Variants in SLCO1A2 observed in about 807,000 individuals in gnomAD.
The protein encoded by SLCO1A2 is OATP-1.
SLCO1A2 carries 67 observed loss-of-function variants against 69.0 expected under a neutral mutation model. The ratio of observed to expected loss-of-function variants is 0.97; its 90% CI spans 0.80 to 1.19. The LOEUF (loss-of-function observed/expected upper bound fraction) is 1.19. SLCO1A2 is among the 50% of genes most tolerant of loss of function. The pLI, the probability that SLCO1A2 is intolerant of heterozygous loss-of-function variation, is 0.00. For missense variants in SLCO1A2, 787 were observed against 793.7 expected, an observed-to-expected ratio of 0.99 and a Z score of 0.10; for synonymous variants, 260 against 265.9, an observed-to-expected ratio of 0.98 and a Z score of 0.22.
intron 1 of SLCO1A2, among the ~76,000 whole-genome samples, chr12:21,403,207 G>A (rs1244053316): frequency 6.6e-6 from 1 of 152,106 alleles, no homozygotes. Flanking sequence ...CTGTATCTGT[G>A]CATGCATAAA....
At position 21,269,426 on chromosome 12, in the gene SLCO1A2, A is replaced by G; in HGVS notation, c.*122T>C. 1.6e-6 allele frequency: 1 copy of G among 621,520 alleles called. No homozygotes were observed. 38.5% of individuals were successfully genotyped at this position (621,520 alleles called of 1,614,324 possible). ...AGTGAACATTTTATTATTTTGAGTT[A>G]AGAGGTTTTTTAGGTTCTTAAAGAC... On this transcript the variant is annotated 3_prime_UTR_variant, in exon 15 of 15. Coordinates refer to ENST00000683939, the MANE Select transcript of SLCO1A2 (RefSeq NM_001386879.1).
At chr12:21,408,721 T>C (rs1318018628) in intron 1 of SLCO1A2, among the ~76,000 whole-genome samples, 37 of 96,082 alleles carry the variant, frequency 3.9e-4, no homozygotes, top group African/African-American at 1.4e-3. Flanking sequence ...TGCGTGTGTG[T>C]GTGTGTGTGT....
chr12:21,383,394 C>T (rs1408468218), intron 1 of SLCO1A2, among the ~76,000 whole-genome samples: 1 of 152,138 alleles, frequency 6.6e-6, no homozygotes, highest in African/African-American at 2.4e-5. Context: ...GAATTTTGGT[C>T]TATATTTTCA....
intron 2 of SLCO1A2, among the ~76,000 whole-genome samples, chr12:21,361,554 CAGA>C (rs2137049259): frequency 6.6e-6 from 1 of 152,262 alleles, no homozygotes; most frequent in South Asian, 2.1e-4. Context: ...GACGAGTTGA[CAGA>C]AGAAGGCTTC....
chr12:21,384,788 C>A (rs867135732), intron 1 of SLCO1A2, among the ~76,000 whole-genome samples: 3 of 135,484 alleles, frequency 2.2e-5, no homozygotes, highest in South Asian at 4.6e-4. Flanking sequence ...TTTTTTGAGT[C>A]GGAGTCTCGT....
At chr12:21,399,879 G>C (rs1591917981), upstream of SLCO1A2, among the ~76,000 whole-genome samples, 1 of 149,034 alleles carries the variant, frequency 6.7e-6, no homozygotes, top group East Asian at 2.0e-4. Context: ...ATCAATTCAA[G>C]ATGGATTAAA....
intron 12 of SLCO1A2, among the ~76,000 whole-genome samples, chr12:21,287,508 T>G (rs1946084757): frequency 7.0e-6 from 1 of 143,642 alleles, no homozygotes; most frequent in Non-Finnish European, 1.5e-5. Flanking sequence ...ATCCCATTAC[T>G]GGGTATATAC....
chr12:21,411,305 T>C (rs1409903295), intron 1 of SLCO1A2, among the ~76,000 whole-genome samples: 1 of 152,230 alleles, frequency 6.6e-6, no homozygotes, highest in Non-Finnish European at 1.5e-5. Context: ...TTTTTGTATA[T>C]GATATGAAAT....
At chr12:21,386,762 C>T (rs1016402436) in intron 1 of SLCO1A2, among the ~76,000 whole-genome samples, 1 of 151,896 alleles carries the variant, frequency 6.6e-6, no homozygotes, top group African/African-American at 2.4e-5. Flanking sequence ...GTAAATATAC[C>T]TAAAAATGTG....
chr12:21,344,279 C>A (rs908386322), intron 2 of SLCO1A2, among the ~76,000 whole-genome samples: 1 of 151,812 alleles, frequency 6.6e-6, no homozygotes, highest in African/African-American at 2.4e-5. Context: ...CAATATAATC[C>A]AAGGAAGAGC....
intron 1 of SLCO1A2, chr12:21,403,711 CTTTTTTTTTTTTTT>C (rs71043273): frequency 1.2e-5 from 1 of 84,326 alleles, no homozygotes; most frequent in Non-Finnish European, 2.2e-5. Flanking sequence ...CTCCTCCTTG[CTTTTTTTTTTTTTT>C]TTTTTTTTTG....
chr12:21,376,639 G>C (rs931454713), intron 1 of SLCO1A2, among the ~76,000 whole-genome samples: 1 of 151,696 alleles, frequency 6.6e-6, no homozygotes, highest in African/African-American at 2.4e-5. Context: ...TCTGTACTTA[G>C]GAAGAAATAT....
chr12:21,331,633 AC>A (rs980542949), intron 2 of SLCO1A2, among the ~76,000 whole-genome samples: 2 of 148,404 alleles, frequency 1.3e-5, no homozygotes, highest in Non-Finnish European at 3.0e-5. Context: ...AAAAAAAAAA[AC>A]CCAACTCAGC....
rs201858347 is a variant in SLCO1A2 at position 21,349,086 on chromosome 12, A to T, written c.-62-14377T>A. Reference sequence around the variant, plus strand: ...ACCTAAAATTCCTGTAAAAATTAAGATCTATTTTTTAAAAGGGGAGGAGAG... The same window carrying T: ...ACCTAAAATTCCTGTAAAAATTAAGTTCTATTTTTTAAAAGGGGAGGAGAG... On this transcript the variant is annotated intron_variant, in intron 2 of 15. Coordinates refer to the SLCO1A2 transcript ENST00000307378. 2.0e-5 allele frequency among the ~76,000 whole-genome samples: 3 copies of T among 152,082 alleles called. No homozygotes were observed. In the East Asian group the frequency reaches 5.8e-4, roughly 29 times the overall value.
intron 14 of SLCO1A2, among the ~76,000 whole-genome samples, chr12:21,270,064 G>A (rs971738889): frequency 4.6e-5 from 7 of 151,544 alleles, no homozygotes; most frequent in Non-Finnish European, 8.9e-5. Context: ...ACCTCAAAAT[G>A]AATACTGGTA....
At chr12:21,381,764 C>T (rs1458466684) in intron 1 of SLCO1A2, among the ~76,000 whole-genome samples, 1 of 152,090 alleles carries the variant, frequency 6.6e-6, no homozygotes, top group Admixed American at 6.5e-5. Context: ...CCACTGCACT[C>T]CAGCCTGGCT....
Position 21,369,042 on chromosome 12 carries a change from G to C in SLCO1A2, c.-63+5357C>G, listed in dbSNP as rs1011531338. Among the ~76,000 whole-genome samples, 4 of 151,898 alleles carry C rather than the reference G, an allele frequency of 2.6e-5. No individual in the cohort carries two copies. In the East Asian group the frequency reaches 5.8e-4, roughly 22 times the overall value. ...GTGTGGAGAGCAAAATTTATGGGTG[G>C]GCAGAATTAAGGCAAGGAACTACTG... On this transcript the variant is annotated intron_variant, in intron 2 of 15. Transcript: ENST00000307378.
intron 2 of SLCO1A2, among the ~76,000 whole-genome samples, chr12:21,349,788 G>A (rs1937782301): frequency 6.6e-6 from 1 of 152,026 alleles, no homozygotes; most frequent in Non-Finnish European, 1.5e-5. Context: ...TCCCACCTTG[G>A]CTAACTTCAA....
upstream of SLCO1A2, chr12:21,419,185 G>C (rs919281065): frequency 1.3e-5 from 2 of 152,752 alleles, no homozygotes; most frequent in African/African-American, 2.4e-5. Flanking sequence ...ACTTGGACAG[G>C]AAATTTTTTG....
Sources: gnomAD v4.1 joint callset for allele counts (sites outside exome capture counted in the v4.1 genomes callset) on GRCh38, gnomAD v4.1.1 for gene constraint, MANE v1.5 for transcripts, NCBI Gene and HGNC (gene_info 2026-07-23, HGNC 2026-07-21) for gene names.